ARNT2: variants seen among roughly 807,000 people sequenced by gnomAD.
ARNT2 encodes ARNT protein 2.
ARNT2 carries 36 observed loss-of-function variants against 91.7 expected under a neutral mutation model. The ratio of observed to expected loss-of-function variants is 0.39; its 90% CI spans 0.30 to 0.52. The LOEUF is 0.52. Ranked by LOEUF, ARNT2 falls within the 20% of genes least tolerant of loss-of-function variation. ARNT2 has a pLI of 0.72. For synonymous variants in ARNT2, 365 were observed against 347.1 expected (o/e 1.05, Z -0.57); for missense variants, 775 against 939.3 (o/e 0.83, Z 2.29).
intron 12 of ARNT2, among the ~76,000 whole-genome samples, chr15:80,563,502 A>T (rs1898409377): frequency 6.6e-6 from 1 of 152,312 alleles, no homozygotes; most frequent in African/African-American, 2.4e-5. Flanking sequence ...AAGGTGCTCC[A>T]GTTTCTGCTC....
intron 11 of ARNT2, among the ~76,000 whole-genome samples, chr15:80,557,214 C>T (rs1463353305): frequency 1.3e-5 from 2 of 152,182 alleles, no homozygotes; most frequent in South Asian, 4.1e-4. Flanking sequence ...CCTTTCATAA[C>T]ATCAGCCACT....
chr15:80,473,832 ACT>A (rs1319796594), intron 4 of ARNT2, among the ~76,000 whole-genome samples: 1 of 151,836 alleles, frequency 6.6e-6, no homozygotes, highest in East Asian at 1.9e-4. Flanking sequence ...GGGGCGCCAG[ACT>A]CTCCACCTTT....
intron 1 of ARNT2, among the ~76,000 whole-genome samples, chr15:80,443,627 C>T (rs1344752051): frequency 1.3e-5 from 2 of 152,068 alleles, no homozygotes; most frequent in Non-Finnish European, 2.9e-5. Context: ...GCACAAGATG[C>T]CCTGAGGTCT....
chr15:80,479,699 CAA>C (rs1421486842), intron 5 of ARNT2, among the ~76,000 whole-genome samples: 1 of 152,152 alleles, frequency 6.6e-6, no homozygotes, highest in Non-Finnish European at 1.5e-5. Context: ...GTGAAAAACC[CAA>C]GAGGACCTAT....
intron 15 of ARNT2, among the ~76,000 whole-genome samples, chr15:80,579,155 G>A (rs552733056): frequency 3.9e-5 from 6 of 152,328 alleles, no homozygotes; most frequent in Non-Finnish European, 5.9e-5. Context: ...GACCGTCTAC[G>A]CTGTAGCGGC....
intron 8 of ARNT2, among the ~76,000 whole-genome samples, chr15:80,549,070 C>A (rs1898037469): frequency 6.6e-6 from 1 of 152,090 alleles, no homozygotes; most frequent in African/African-American, 2.4e-5. Flanking sequence ...ATAGAAGAGA[C>A]AGTCCAAAAT....
intron 17 of ARNT2, 149 bp downstream of exon 17, chr15:80,581,553 G>A: frequency 1.0e-6 from 1 of 1,004,898 alleles, no homozygotes; most frequent in Non-Finnish European, 1.4e-6. Flanking sequence ...CTGGCTATGA[G>A]GAGGCCTATG....
intron 17 of ARNT2, among the ~76,000 whole-genome samples, chr15:80,587,554 A>G (rs1052247734): frequency 2.6e-5 from 4 of 152,328 alleles, no homozygotes; most frequent in Admixed American, 1.3e-4. Flanking sequence ...AATGTTAATG[A>G]GAGGAGAATG....
chr15:80,437,349 C>T (rs924584127), intron 1 of ARNT2, among the ~76,000 whole-genome samples: 3 of 152,212 alleles, frequency 2.0e-5, no homozygotes, highest in African/African-American at 2.4e-5. Context: ...CTCACCCACT[C>T]CATCTCTCTT....
chr15:80,493,983 C>A (rs1229454425), intron 5 of ARNT2, among the ~76,000 whole-genome samples: 9 of 152,180 alleles, frequency 5.9e-5, no homozygotes, highest in Non-Finnish European at 1.5e-5. Context: ...TGTGACACTC[C>A]TGCTCCCTCT....
intron 3 of ARNT2, among the ~76,000 whole-genome samples, chr15:80,466,508 G>A (rs774295399): frequency 1.3e-5 from 2 of 152,172 alleles, no homozygotes; most frequent in Admixed American, 6.5e-5. Context: ...TGGTACACAC[G>A]CAAGTCACAG....
intron 3 of ARNT2, among the ~76,000 whole-genome samples, chr15:80,458,545 G>A (rs1341531356): frequency 6.6e-6 from 1 of 152,132 alleles, no homozygotes; most frequent in East Asian, 1.9e-4. Flanking sequence ...CTTTATCTGG[G>A]CTCTGCGGGG....
At chr15:80,464,366 T>G (rs1896618316) in intron 3 of ARNT2, among the ~76,000 whole-genome samples, 1 of 151,548 alleles carries the variant, frequency 6.6e-6, no homozygotes. Context: ...GCTGAGAGAG[T>G]GCTTGGGAAG....
chr15:80,451,485 G>A (rs1410605040), intron 2 of ARNT2, among the ~76,000 whole-genome samples: 1 of 152,230 alleles, frequency 6.6e-6, no homozygotes, highest in Admixed American at 6.5e-5. Flanking sequence ...GCTGGTGAAG[G>A]TGGTAATAAT....
chr15:80,422,935 G>A (rs547141437), intron 1 of ARNT2, among the ~76,000 whole-genome samples: 1 of 152,046 alleles, frequency 6.6e-6, no homozygotes, highest in Admixed American at 6.6e-5. Context: ...AGCCTTTTTG[G>A]TCTTGTAATT....
chr15:80,442,032 G>C (rs1896199412), intron 1 of ARNT2, among the ~76,000 whole-genome samples: 1 of 152,194 alleles, frequency 6.6e-6, no homozygotes, highest in Non-Finnish European at 1.5e-5. Context: ...CATCGGTTAT[G>C]ATCAGGGATC....
chr15:80,490,402 C>A (rs1897038442), intron 5 of ARNT2, among the ~76,000 whole-genome samples: 1 of 152,226 alleles, frequency 6.6e-6, no homozygotes, highest in Non-Finnish European at 1.5e-5. Flanking sequence ...GAGCCATCAG[C>A]TGAAGAACCT....
chr15:80,572,816 T>C (rs1898606570), intron 12 of ARNT2, among the ~76,000 whole-genome samples: 1 of 152,252 alleles, frequency 6.6e-6, no homozygotes, highest in South Asian at 2.1e-4. Flanking sequence ...GCGTGCATAA[T>C]ATATTGTGCT....
chr15:80,537,182 T>G (rs1897839692), intron 8 of ARNT2, among the ~76,000 whole-genome samples: 1 of 152,182 alleles, frequency 6.6e-6, no homozygotes, highest in Non-Finnish European at 1.5e-5. Flanking sequence ...TCTCAGCCAC[T>G]TGGTTTGTAT....
Sources: gnomAD v4.1 joint callset for allele counts (sites outside exome capture counted in the v4.1 genomes callset) on GRCh38, gnomAD v4.1.1 for gene constraint, MANE v1.5 for transcripts, NCBI Gene and HGNC (gene_info 2026-07-23, HGNC 2026-07-21) for gene names.